PAX7: variants seen among roughly 807,000 people sequenced by gnomAD.
The protein encoded by PAX7 is paired box protein Pax-7.
PAX7 carries 18 observed loss-of-function variants against 50.7 expected under a neutral mutation model. That is an observed-to-expected ratio of 0.36 (90% CI 0.25 to 0.53). The LOEUF is 0.53. PAX7 is among the 20% of genes least tolerant of loss of function. PAX7 has a pLI of 0.93. For missense variants in PAX7, 644 were observed against 702.9 expected (o/e 0.92, Z 0.95); for synonymous variants, 310 against 290.4 (o/e 1.07, Z -0.69).
At chr1:18,718,240 T>C (rs2089451645) in intron 7 of PAX7, among the ~76,000 whole-genome samples, 1 of 152,016 alleles carries the variant, frequency 6.6e-6, no homozygotes, top group African/African-American at 2.4e-5. Context: ...AGGGGTAACT[T>C]TGGAAAGCAG....
At chr1:18,678,368 C>T (rs1248678760) in intron 4 of PAX7, among the ~76,000 whole-genome samples, 1 of 151,982 alleles carries the variant, frequency 6.6e-6, no homozygotes, top group Admixed American at 6.6e-5. Context: ...CATTGCACTC[C>T]AGCTTGGACA....
chr1:18,647,936 C>G (rs1037151456), intron 4 of PAX7, among the ~76,000 whole-genome samples: 2 of 152,188 alleles, frequency 1.3e-5, no homozygotes, highest in Non-Finnish European at 2.9e-5. Context: ...CTGTGGGCAG[C>G]TCCTCATTCA....
chr1:18,689,525 C>G (rs1280355545), intron 4 of PAX7, among the ~76,000 whole-genome samples: 1 of 152,188 alleles, frequency 6.6e-6, no homozygotes, highest in Non-Finnish European at 1.5e-5. Context: ...GACTCCCTTG[C>G]AATCCATTCC....
intron 4 of PAX7, among the ~76,000 whole-genome samples, chr1:18,670,979 G>C (rs1265722204): frequency 6.6e-6 from 1 of 152,208 alleles, no homozygotes; most frequent in Admixed American, 6.5e-5. Context: ...AGCCGGTCCA[G>C]TTCTCTAGAG....
At chr1:18,635,033 T>C in intron 2 of PAX7, 78 bp from the exon 3 acceptor site, 6 of 1,553,110 alleles carry the variant, frequency 3.9e-6, no homozygotes, top group Admixed American at 1.7e-5. Flanking sequence ...TCTGGGGCTC[T>C]TAAGAGGTGA....
Position 18,703,202 on chromosome 1 carries a change from C to A in PAX7, c.1061C>A (p.Ala354Asp), listed in dbSNP as rs1473463055. 1 of 1,614,038 alleles carries A rather than the reference C, an allele frequency of 6.2e-7. No homozygotes were observed. The highest frequency in any genetic ancestry group is 8.5e-7 in the Non-Finnish European group (1 of 1,179,964). Residue 354 changes from alanine (A) to aspartate (D), a missense_variant, in exon 7 of 9, where the codon GCC (alanine) becomes GAC (aspartate). By Grantham distance (126) the Ala-to-Asp change is moderately radical (BLOSUM62 -2). Coordinates refer to ENST00000420770, the MANE Select transcript of PAX7 (RefSeq NM_001135254.2). The stretch of plus-strand genomic sequence containing the variant: ...GCCGACACCAGCTCTGCCTACGGAG[C>A]CCGCCACAGCTTCTCCAGCTACTCT... ...AAADTSSAYG[A>D]RHSFSSYSDS...
Position 18,636,669 on chromosome 1 carries a change from A to G in PAX7, c.586+298A>G, listed in dbSNP as rs1252076928. ...GGGGCTGCGCGCCTGGTCTACCCCA[A>G]TACTGCGGGGAGTGCGTCCTCCCGG... On this transcript the variant is annotated intron_variant, in intron 4 of 8. Transcript: ENST00000420770. The surrounding 1 kb of genome is among the most constrained non-coding windows in gnomAD (Gnocchi z 5.1). Among the ~76,000 whole-genome samples the G allele has an allele frequency of 2.6e-5, 4 of 151,210 alleles. No individual in the cohort carries two copies. Among genetic ancestry groups the G allele is most frequent in the Non-Finnish European group, 5.9e-5 (4 of 67,872 alleles).
chr1:18,680,107 G>T (rs546040474), intron 4 of PAX7, among the ~76,000 whole-genome samples: 150 of 152,298 alleles, frequency 9.8e-4, no homozygotes, highest in Admixed American at 2.4e-3. Context: ...GGCCCAGAGG[G>T]ATGAAGTTAC....
At chr1:18,685,413 G>A (rs999352688) in intron 4 of PAX7, among the ~76,000 whole-genome samples, 5 of 152,194 alleles carry the variant, frequency 3.3e-5, no homozygotes, top group Admixed American at 6.5e-5. Context: ...AGTCCCTGCC[G>A]CACTCAAGGA....
At chr1:18,739,975 G>A (rs1179750047) in intron 8 of PAX7, among the ~76,000 whole-genome samples, 1 of 152,162 alleles carries the variant, frequency 6.6e-6, no homozygotes, top group Non-Finnish European at 1.5e-5. Context: ...GTCTAGAAGG[G>A]TCCTCCTCTG....
At chr1:18,710,370 T>C (rs2089335238) in intron 7 of PAX7, among the ~76,000 whole-genome samples, 1 of 152,156 alleles carries the variant, frequency 6.6e-6, no homozygotes, top group Non-Finnish European at 1.5e-5. Flanking sequence ...TGGAGATTCC[T>C]ACCTCTCTCT....
In PAX7 at chr1:18,634,848, C is replaced by T. The variant is rs190300494; in HGVS notation, c.322-263C>T. 1.2e-3 allele frequency among the ~76,000 whole-genome samples: 186 copies of T among 152,264 alleles called. No homozygotes were observed. The highest frequency in any genetic ancestry group is 4.0e-3 in the African/African-American group (168 of 41,552). On this transcript the variant is annotated intron_variant, in intron 2 of 8. Coordinates refer to ENST00000420770, the MANE Select transcript of PAX7 (RefSeq NM_001135254.2). The surrounding 1 kb of genome is among the most constrained non-coding windows in gnomAD (Gnocchi z 4.0). ...CTCTCAGTCTTTCCTGAGATAATGA[C>T]GGGGACCCTGGGGGTCCTAATTAGA...
intron 4 of PAX7, among the ~76,000 whole-genome samples, chr1:18,683,733 G>A (rs1335416235): frequency 2.0e-5 from 3 of 152,128 alleles, no homozygotes; most frequent in Admixed American, 6.5e-5. Context: ...CCAGCTACTC[G>A]GGAGGCTAAG....
chr1:18,631,904 C>A (rs1483392909), intron 1 of PAX7, among the ~76,000 whole-genome samples: 1 of 152,180 alleles, frequency 6.6e-6, no homozygotes. Context: ...GCCTTCGTTT[C>A]GCAGGTCGCT....
intron 5 of PAX7, among the ~76,000 whole-genome samples, chr1:18,696,389 C>T (rs1005318418): frequency 2.0e-5 from 3 of 151,950 alleles, no homozygotes; most frequent in African/African-American, 7.2e-5. Context: ...TTTTTATGTG[C>T]CAGGCATGAT....
intron 6 of PAX7, among the ~76,000 whole-genome samples, chr1:18,701,763 G>A (rs2089224871): frequency 6.6e-6 from 1 of 152,164 alleles, no homozygotes; most frequent in South Asian, 2.1e-4. Context: ...CTCCTGGGAA[G>A]GAGGCCTCAC....
At chr1:18,729,081 C>A (rs2089614619) in intron 7 of PAX7, among the ~76,000 whole-genome samples, 1 of 152,174 alleles carries the variant, frequency 6.6e-6, no homozygotes, top group South Asian at 2.1e-4. Flanking sequence ...GCTGGGCTGC[C>A]ACAGGTCATC....
At position 18,684,025 on chromosome 1, in the gene PAX7, C is replaced by A. The variant is rs143451038; in HGVS notation, c.587-7729C>A. Among the ~76,000 whole-genome samples the A allele has an allele frequency of 1.4e-4, 21 of 152,250 alleles. No homozygotes were observed. In the East Asian group the frequency reaches 4.1e-3, roughly 29 times the overall value. On this transcript the variant is annotated intron_variant, in intron 4 of 8. Coordinates refer to ENST00000420770, the MANE Select transcript of PAX7 (RefSeq NM_001135254.2). ...CCACAGAATCCAGCCAGACTGAGCC[C>A]GGAGTCTGTGCTCCTCAGTGCCCGC...
rs117131027 is a variant in PAX7 at position 18,699,856 on chromosome 1, C to T, written c.787-797C>T. Among the ~76,000 whole-genome samples, 12 of 152,178 alleles carry T rather than the reference C, an allele frequency of 7.9e-5. No individual in the cohort carries two copies. In the East Asian group the frequency reaches 9.7e-4, roughly 12 times the overall value. ...GATTACAGGTGTGAGCCGCTGCGCCCGGCCAGACTGATTTTAAGTTTGAAC... is the reference window on the plus strand; with the variant it reads ...GATTACAGGTGTGAGCCGCTGCGCCTGGCCAGACTGATTTTAAGTTTGAAC... On this transcript the variant is annotated intron_variant, in intron 5 of 8. Transcript: ENST00000420770.
Sources: allele counts gnomAD v4.1 joint callset (sites outside exome capture counted in the v4.1 genomes callset), GRCh38; gene constraint gnomAD v4.1.1; non-coding constraint Gnocchi (gnomAD v3.1); transcripts MANE v1.5; gene names NCBI Gene and HGNC (gene_info 2026-07-23, HGNC 2026-07-21).